The following WDR7 variants were observed in gnomAD, a reference collection of about 807,000 sequenced individuals.
WDR7 encodes the protein WD repeat-containing protein 7.
WDR7 carries 46 observed loss-of-function variants against 169.4 expected under a neutral mutation model. The ratio of observed to expected loss-of-function variants is 0.27; its 90% CI spans 0.21 to 0.35. The LOEUF (loss-of-function observed/expected upper bound fraction) is 0.35, where lower values mean the gene tolerates loss of function less well. Ranked by LOEUF, WDR7 falls within the 10% of genes least tolerant of loss-of-function variation. The probability of loss-of-function intolerance (pLI) is 1.00; values close to 1 mark genes in which losing one functional copy is unlikely to be tolerated. For missense variants in WDR7, 1,534 were observed against 1,859.3 expected, an observed-to-expected ratio of 0.83 and a Z score of 3.22; for synonymous variants, 612 against 666.8, an observed-to-expected ratio of 0.92 and a Z score of 1.27.
intron 13 of WDR7, among the ~76,000 whole-genome samples, chr18:56,725,321 C>T (rs1276066487): frequency 6.6e-6 from 1 of 151,082 alleles, no homozygotes; most frequent in Non-Finnish European, 1.5e-5. Context: ...CCTGTTGTTT[C>T]CTGACTTTTT....
chr18:56,662,018 T>G (rs528680267), intron 1 of WDR7, among the ~76,000 whole-genome samples: 1 of 152,246 alleles, frequency 6.6e-6, no homozygotes, highest in South Asian at 2.1e-4. Flanking sequence ...TACAAACTTC[T>G]CATTCTTCTT....
intron 20 of WDR7, among the ~76,000 whole-genome samples, chr18:56,861,246 C>G (rs1204670332): frequency 6.6e-6 from 1 of 152,116 alleles, no homozygotes; most frequent in Non-Finnish European, 1.5e-5. Flanking sequence ...TTTTTTCATG[C>G]CGGCGTGTGA....
At chr18:56,702,206 A>G (rs1212368231) in intron 12 of WDR7, among the ~76,000 whole-genome samples, 3 of 152,144 alleles carry the variant, frequency 2.0e-5, no homozygotes, top group Admixed American at 2.0e-4. Context: ...AGATGAGATG[A>G]TCTGACATCG....
At chr18:56,825,347 A>G (rs912027049) in intron 20 of WDR7, among the ~76,000 whole-genome samples, 1 of 152,240 alleles carries the variant, frequency 6.6e-6, no homozygotes, top group Non-Finnish European at 1.5e-5. Flanking sequence ...TATGTAAAAG[A>G]ACACATTGCA....
chr18:56,747,836 G>A (rs1387613770), intron 14 of WDR7, among the ~76,000 whole-genome samples: 2 of 152,106 alleles, frequency 1.3e-5, no homozygotes, highest in Non-Finnish European at 2.9e-5. Context: ...GAATCTACAC[G>A]AGCATGAACA....
chr18:56,732,253 G>A (rs532813731), intron 14 of WDR7, among the ~76,000 whole-genome samples: 1 of 152,226 alleles, frequency 6.6e-6, no homozygotes, highest in East Asian at 1.9e-4. Flanking sequence ...TGTTTGGTCT[G>A]TGGTATTTGT....
intron 26 of WDR7, among the ~76,000 whole-genome samples, chr18:56,996,719 G>C (rs376784997): frequency 9.9e-5 from 15 of 152,272 alleles, no homozygotes; most frequent in African/African-American, 3.4e-4. Flanking sequence ...GGCAGGGGAG[G>C]CTGCCTCATT....
At chr18:56,926,691 C>G (rs2046813567) in intron 22 of WDR7, among the ~76,000 whole-genome samples, 1 of 152,168 alleles carries the variant, frequency 6.6e-6, no homozygotes, top group Non-Finnish European at 1.5e-5. Flanking sequence ...GTGTGACTTT[C>G]TGTACACAGC....
intron 26 of WDR7, 138 bp downstream of exon 26, chr18:56,962,667 A>G: frequency 1.3e-6 from 1 of 759,560 alleles, no homozygotes; most frequent in African/African-American, 1.7e-5. Context: ...AGTTTAATGA[A>G]GGACGCACAG....
rs2025609098 is a variant in WDR7, at chr18:56,692,926, TGTG to T, written c.966+1115_966+1117del. ...TCTACAAAAAAAAAAATTAGCATGG[TGTG>T]GTGGTACACGCCTGTAGTCCCAGCT... is the stretch of plus-strand genomic sequence containing the variant. On this transcript the variant is annotated intron_variant, in intron 9 of 27. Transcript: ENST00000254442. Among the ~76,000 whole-genome samples, 4 of 151,434 alleles carry T rather than the reference TGTG, an allele frequency of 2.6e-5. 1 individual carries two copies. In the South Asian group the frequency reaches 8.3e-4, roughly 32 times the overall value.
chr18:56,678,977 A>G (rs550482469), intron 2 of WDR7, among the ~76,000 whole-genome samples: 3 of 152,326 alleles, frequency 2.0e-5, no homozygotes, highest in African/African-American at 7.2e-5. Flanking sequence ...GAATGACACA[A>G]GCACCCCTGT....
chr18:56,785,823 T>A (rs2044389965), intron 19 of WDR7, among the ~76,000 whole-genome samples: 1 of 143,026 alleles, frequency 7.0e-6, no homozygotes, highest in African/African-American at 2.6e-5. Flanking sequence ...ATTCTTTTTT[T>A]CTTTTTCTTT....
intron 20 of WDR7, among the ~76,000 whole-genome samples, chr18:56,831,111 G>A (rs576539142): frequency 3.2e-4 from 48 of 152,230 alleles, no homozygotes; most frequent in African/African-American, 1.0e-3. Context: ...ATGATACACC[G>A]GCTGAGCATC....
intron 14 of WDR7, among the ~76,000 whole-genome samples, chr18:56,746,647 G>A (rs1454812820): frequency 6.6e-6 from 1 of 151,996 alleles, no homozygotes; most frequent in Admixed American, 6.6e-5. Flanking sequence ...GGGGCAGTTG[G>A]GTCTTCCTCT....
chr18:56,988,022 C>T (rs1463560075), intron 26 of WDR7, among the ~76,000 whole-genome samples: 1 of 152,110 alleles, frequency 6.6e-6, no homozygotes, highest in Non-Finnish European at 1.5e-5. Flanking sequence ...CTGGGTTTCT[C>T]CTCATTTATT....
At chr18:56,910,616 T>G (rs2145598349) in intron 21 of WDR7, among the ~76,000 whole-genome samples, 1 of 152,302 alleles carries the variant, frequency 6.6e-6, no homozygotes, top group African/African-American at 2.4e-5. Context: ...TCAGTAAAAT[T>G]AGTGAGAAGT....
chr18:56,676,127 ACTTTCT>A (rs2025239130), intron 2 of WDR7, among the ~76,000 whole-genome samples: 1 of 152,138 alleles, frequency 6.6e-6, no homozygotes, highest in South Asian at 2.1e-4. Context: ...TTATATAGTG[ACTTTCT>A]CTGTCTCTTC....
At chr18:56,699,312 G>T (rs2025773799) in intron 12 of WDR7, among the ~76,000 whole-genome samples, 1 of 152,204 alleles carries the variant, frequency 6.6e-6, no homozygotes, top group African/African-American at 2.4e-5. Context: ...ATTAGAGTTT[G>T]CTACATCATA....
At chr18:56,740,906 A>G (rs1318193873) in intron 14 of WDR7, among the ~76,000 whole-genome samples, 2 of 151,770 alleles carry the variant, frequency 1.3e-5, no homozygotes, top group Non-Finnish European at 2.9e-5. Flanking sequence ...TGAATATTCA[A>G]TTTTCTCTTT....
Sources: gnomAD v4.1 joint callset for allele counts (sites outside exome capture counted in the v4.1 genomes callset) on GRCh38, gnomAD v4.1.1 for gene constraint, MANE v1.5 for transcripts, NCBI Gene and HGNC (gene_info 2026-07-23, HGNC 2026-07-21) for gene names.